Variants in HS3ST5 observed in about 807,000 individuals in gnomAD.
HS3ST5 encodes heparan sulfate-glucosamine 3-sulfotransferase 5.
Under a neutral mutation model 25.4 loss-of-function variants are expected in HS3ST5, and 10 were observed. The ratio of observed to expected loss-of-function variants is 0.39; its 90% CI spans 0.24 to 0.67. The LOEUF (loss-of-function observed/expected upper bound fraction) is 0.67. Among genes scored for constraint, HS3ST5 ranks in the 30% least tolerant of loss-of-function variants. The probability of loss-of-function intolerance (pLI) is 0.44; values close to 1 mark genes in which losing one functional copy is unlikely to be tolerated. For synonymous variants in HS3ST5, 170 were observed against 162.4 expected, an observed-to-expected ratio of 1.05 and a Z score of -0.36; for missense variants, 324 against 420.7, an observed-to-expected ratio of 0.77 and a Z score of 2.01.
chr6:114,099,776 C>T (rs755722086), intron 3 of HS3ST5, among the ~76,000 whole-genome samples: 5 of 152,102 alleles, frequency 3.3e-5, no homozygotes, highest in African/African-American at 7.2e-5. Flanking sequence ...CTAATATTAG[C>T]GTCCATGCTT....
intron 2 of HS3ST5, among the ~76,000 whole-genome samples, chr6:114,216,064 C>A (rs753250778): frequency 6.6e-6 from 1 of 152,178 alleles, no homozygotes; most frequent in Non-Finnish European, 1.5e-5. Context: ...GTTTTAACTG[C>A]GGCTCTGCTG....
At chr6:114,245,815 G>A (rs112454991) in intron 1 of HS3ST5, among the ~76,000 whole-genome samples, 2 of 152,172 alleles carry the variant, frequency 1.3e-5, no homozygotes, top group African/African-American at 4.8e-5. Flanking sequence ...CTAGACAGGC[G>A]TTATGCATAC....
chr6:114,293,953 G>A (rs778079939), intron 1 of HS3ST5, among the ~76,000 whole-genome samples: 2 of 152,164 alleles, frequency 1.3e-5, no homozygotes, highest in Non-Finnish European at 2.9e-5. Context: ...ACCAAACTGT[G>A]GTACTTTCTG....
At chr6:114,176,725 A>T (rs1269832782) in intron 2 of HS3ST5, among the ~76,000 whole-genome samples, 1 of 152,204 alleles carries the variant, frequency 6.6e-6, no homozygotes, top group African/African-American at 2.4e-5. Context: ...CCCAAAAACA[A>T]GGCAAGGTAT....
At chr6:114,084,101 T>TTTTAA in intron 3 of HS3ST5, 2 of 576,334 alleles carry the variant, frequency 3.5e-6, no homozygotes, top group Non-Finnish European at 6.1e-6. Flanking sequence ...TTTTTTTTTT[T>TTTTAA]AGAAACTGAT....
chr6:114,118,011 T>A (rs1013612794), intron 3 of HS3ST5, among the ~76,000 whole-genome samples: 2 of 152,136 alleles, frequency 1.3e-5, no homozygotes, highest in Non-Finnish European at 2.9e-5. Flanking sequence ...TATCCTTGGA[T>A]CAGAAAAAGA....
In HS3ST5 at chr6:114,070,735, CAAA is replaced by C. The variant is rs1225155921; in HGVS notation, c.-32-7861_-32-7859del. Among the ~76,000 whole-genome samples the C allele has an allele frequency of 4.6e-5, 7 of 152,106 alleles. No individual in the cohort carries two copies. The South Asian group carries it at 1.2e-3, about 27-fold the overall frequency. ...CTCCCCATCTGCCCCTCACCCTTGC[CAAA>C]AACCTTGGAAGTTGTCATTCTTGGC... On this transcript the variant is annotated intron_variant, in intron 3 of 4. Coordinates refer to ENST00000312719, the MANE Select transcript of HS3ST5 (RefSeq NM_153612.4).
In HS3ST5 at chr6:114,342,952, T is replaced by G. The variant is rs918855131; in HGVS notation, c.-1096A>C. 16 of 152,360 alleles carry G rather than the reference T, an allele frequency of 1.1e-4. No homozygotes were observed. 9.4% of individuals were successfully genotyped at this position (152,360 alleles called of 1,614,324 possible). On this transcript the variant is annotated 5_prime_UTR_variant, in exon 1 of 5. The change abolishes the stop of an existing upstream ORF in the 5' untranslated region. Transcript: ENST00000312719. ...CCAGCTGTGTGCGCGTGTGTGTGTCTAAGCGAATCTCTTCCCCTCCATCAC... is the reference window on the plus strand; with the variant it reads ...CCAGCTGTGTGCGCGTGTGTGTGTCGAAGCGAATCTCTTCCCCTCCATCAC...
intron 1 of HS3ST5, among the ~76,000 whole-genome samples, chr6:114,275,662 T>C (rs1582779410): frequency 6.6e-6 from 1 of 152,020 alleles, no homozygotes; most frequent in Non-Finnish European, 1.5e-5. Flanking sequence ...ACTCTTCAAC[T>C]CTGCCATTAT....
chr6:114,075,368 C>G (rs1315853470), intron 3 of HS3ST5, among the ~76,000 whole-genome samples: 1 of 152,194 alleles, frequency 6.6e-6, no homozygotes, highest in Non-Finnish European at 1.5e-5. Context: ...TTGCCTCCTG[C>G]CCAAGTAGCC....
intron 3 of HS3ST5, among the ~76,000 whole-genome samples, chr6:114,152,000 G>A (rs892503893): frequency 2.0e-5 from 3 of 151,916 alleles, no homozygotes; most frequent in Non-Finnish European, 4.4e-5. Context: ...GCGTGATCTC[G>A]GTTCACTGCA....
intron 3 of HS3ST5, 35 bp from the exon 4 acceptor site, chr6:114,062,912 A>C: frequency 7.9e-7 from 1 of 1,268,208 alleles, no homozygotes; most frequent in Non-Finnish European, 1.1e-6. Context: ...GCCATCTCTT[A>C]GAGGCTCTGT....
At chr6:114,240,009 TACACACAC>T (rs149926688) in intron 1 of HS3ST5, among the ~76,000 whole-genome samples, 1 of 148,882 alleles carries the variant, frequency 6.7e-6, no homozygotes. Flanking sequence ...AGCACACACA[TACACACAC>T]ACACACACAC....
chr6:114,294,754 C>A (rs527504735), intron 1 of HS3ST5, among the ~76,000 whole-genome samples: 1 of 152,256 alleles, frequency 6.6e-6, no homozygotes, highest in Non-Finnish European at 1.5e-5. Context: ...TTCTCATGAT[C>A]CTGAAACAAT....
chr6:114,296,829 A>G (rs115754322), intron 1 of HS3ST5, among the ~76,000 whole-genome samples: 1 of 152,170 alleles, frequency 6.6e-6, no homozygotes, highest in East Asian at 1.9e-4. Flanking sequence ...GAAGCACGAA[A>G]TCATGCATGT....
chr6:114,221,058 G>A (rs1368036454), intron 2 of HS3ST5, among the ~76,000 whole-genome samples: 2 of 151,938 alleles, frequency 1.3e-5, no homozygotes, highest in Non-Finnish European at 2.9e-5. Flanking sequence ...TTATTAACTG[G>A]CACAGGGACT....
chr6:114,058,828 CTCTT>C (rs1167989130), intron 4 of HS3ST5: 1 of 152,566 alleles, frequency 6.6e-6, no homozygotes, highest in East Asian at 1.9e-4. Flanking sequence ...GCCTCTCTTT[CTCTT>C]TCTATCTAAA....
chr6:114,108,848 G>C (rs572219302), intron 3 of HS3ST5, among the ~76,000 whole-genome samples: 31 of 152,218 alleles, frequency 2.0e-4, no homozygotes, highest in African/African-American at 7.0e-4. Context: ...TATATGTCAA[G>C]TCTACCTTAA....
intron 1 of HS3ST5, among the ~76,000 whole-genome samples, chr6:114,341,566 A>G (rs1375592104): frequency 6.8e-6 from 1 of 146,042 alleles, no homozygotes; most frequent in African/African-American, 2.6e-5. Flanking sequence ...TAACAGTATG[A>G]CCACCCTTCG....
Sources: gnomAD v4.1 joint callset for allele counts (sites outside exome capture counted in the v4.1 genomes callset) on GRCh38, gnomAD v4.1.1 for gene constraint, MANE v1.5 for transcripts, NCBI Gene and HGNC (gene_info 2026-07-23, HGNC 2026-07-21) for gene names.